Variants in ANKS1B observed in about 807,000 individuals in gnomAD.
The protein encoded by ANKS1B is ankyrin repeat and sterile alpha motif domain containing 1B, also known as ankyrin repeat and sterile alpha motif domain-containing protein 1B.
ANKS1B carries 36 observed loss-of-function variants against 148.3 expected under a neutral mutation model. The ratio of observed to expected loss-of-function variants is 0.24; its 90% CI spans 0.19 to 0.32. ANKS1B has a LOEUF of 0.32. Among genes scored for constraint, ANKS1B ranks in the 10% least tolerant of loss-of-function variants. ANKS1B has a pLI of 1.00. For missense variants in ANKS1B, 1,157 were observed against 1,542.6 expected (o/e 0.75, Z 4.19); for synonymous variants, 542 against 560.8 (o/e 0.97, Z 0.47).
At chr12:99,322,788 G>A (rs1325310051) in intron 12 of ANKS1B, among the ~76,000 whole-genome samples, 1 of 152,178 alleles carries the variant, frequency 6.6e-6, no homozygotes, top group East Asian at 1.9e-4. Flanking sequence ...TCCTACATGT[G>A]GGAGAGACCC....
intron 4 of ANKS1B, among the ~76,000 whole-genome samples, chr12:99,804,599 T>C (rs1296495881): frequency 6.6e-6 from 1 of 152,140 alleles, no homozygotes; most frequent in Admixed American, 6.6e-5. Flanking sequence ...CTCTGAACAA[T>C]TCCTAGGAAA....
chr12:99,803,975 T>C (rs574469331), intron 4 of ANKS1B, among the ~76,000 whole-genome samples: 6 of 152,336 alleles, frequency 3.9e-5, no homozygotes, highest in African/African-American at 1.4e-4. Flanking sequence ...ATAGTTTTGG[T>C]TTTTTATTCT....
chr12:99,685,483 G>A (rs1252602013), intron 8 of ANKS1B, among the ~76,000 whole-genome samples: 2 of 152,072 alleles, frequency 1.3e-5, no homozygotes, highest in South Asian at 2.1e-4. Flanking sequence ...CACTGCTGGT[G>A]GAAACTGCTA....
intron 17 of ANKS1B, among the ~76,000 whole-genome samples, chr12:98,942,329 G>A (rs558544652): frequency 6.6e-6 from 1 of 152,252 alleles, no homozygotes; most frequent in Non-Finnish European, 1.5e-5. Context: ...AATGGCCAAA[G>A]TATCATTCTG....
In ANKS1B at chr12:99,859,299, G is replaced by A. The variant is rs1026023951; in HGVS notation, c.135-33910C>T. ...TGCTAACAGTGAAGAACTCTTGCAA[G>A]TAAAATAAACATTAACAAGTTTACA... On this transcript the variant is annotated intron_variant, in intron 1 of 26. Coordinates refer to ENST00000683438, the MANE Select transcript of ANKS1B (RefSeq NM_001352186.2). Among the ~76,000 whole-genome samples the A allele has an allele frequency of 3.3e-5, 5 of 152,184 alleles. No individual in the cohort carries two copies. In the East Asian group the frequency reaches 9.6e-4, roughly 29 times the overall value.
In ANKS1B at chr12:99,155,000, G is replaced by A. The variant is rs1180161334; in HGVS notation, c.2420-605C>T. ...CAAGCGTCAATCTTGAATGATGAGA[G>A]CAGTCAAAACAAATGCAGAAAATAG... On this transcript the variant is annotated intron_variant, in intron 14 of 26. Transcript: ENST00000683438. The A allele has an allele frequency of 5.9e-6, 9 of 1,535,322 alleles. No individual in the cohort carries two copies. In the South Asian group the frequency reaches 9.5e-5, roughly 16 times the overall value.
At chr12:99,230,235 T>C (rs995945683) in intron 14 of ANKS1B, among the ~76,000 whole-genome samples, 2 of 152,114 alleles carry the variant, frequency 1.3e-5, no homozygotes, top group Admixed American at 1.3e-4. Flanking sequence ...CTAGGTGACA[T>C]ACTTTTGACC....
chr12:98,936,317 C>T (rs2099818598), intron 17 of ANKS1B, among the ~76,000 whole-genome samples: 1 of 152,194 alleles, frequency 6.6e-6, no homozygotes. Flanking sequence ...TCCATACTGC[C>T]ATACCACCTT....
chr12:99,655,253 TA>T, intron 8 of ANKS1B, 43 bp from the exon 9 acceptor site: 1 of 1,456,770 alleles, frequency 6.9e-7, no homozygotes, highest in Non-Finnish European at 9.3e-7. Context: ...ATATCAATGA[TA>T]TTTAGATATC....
At chr12:98,788,826 A>T (rs2098821416) in intron 22 of ANKS1B, among the ~76,000 whole-genome samples, 1 of 152,248 alleles carries the variant, frequency 6.6e-6, no homozygotes, top group South Asian at 2.1e-4. Context: ...TGCATCCTAC[A>T]TTAATTCAGA....
chr12:99,345,172 C>A (rs888760142), intron 12 of ANKS1B, among the ~76,000 whole-genome samples: 4 of 152,158 alleles, frequency 2.6e-5, no homozygotes, highest in African/African-American at 9.6e-5. Context: ...AGATACTGGG[C>A]AGTGACATTG....
chr12:99,890,120 C>T (rs924731472), intron 1 of ANKS1B, among the ~76,000 whole-genome samples: 1 of 152,124 alleles, frequency 6.6e-6, no homozygotes, highest in African/African-American at 2.4e-5. Context: ...GAAAATCAAA[C>T]TTGGAGAGAT....
chr12:99,397,466 TA>T (rs1485189289), intron 12 of ANKS1B, among the ~76,000 whole-genome samples: 2 of 152,016 alleles, frequency 1.3e-5, no homozygotes, highest in African/African-American at 4.8e-5. Flanking sequence ...AAGAAATAAG[TA>T]AAGAAGTAAC....
chr12:99,687,068 C>T lies in ANKS1B; in HGVS notation c.1129-31858G>A, dbSNP rs187035155. On this transcript the variant is annotated intron_variant, in intron 8 of 26. Transcript: ENST00000683438. Reference sequence around the variant, plus strand: ...TCTGTGTTTGTCTGAAAAGCTTTTACCCTACCTTCACTTATGAAATATAAT... The same window carrying T: ...TCTGTGTTTGTCTGAAAAGCTTTTATCCTACCTTCACTTATGAAATATAAT... 4.9e-3 allele frequency among the ~76,000 whole-genome samples: 742 copies of T among 152,214 alleles called. 8 individuals carry two copies. Among genetic ancestry groups the T allele is most frequent in the African/African-American group, 0.017 (699 of 41,556 alleles).
At chr12:99,152,160 T>C in intron 15 of ANKS1B, among the ~76,000 whole-genome samples, 1 of 152,152 alleles carries the variant, frequency 6.6e-6, no homozygotes. Flanking sequence ...ATAATTTTTA[T>C]AAAGGTAGAA....
intron 10 of ANKS1B, among the ~76,000 whole-genome samples, chr12:99,467,900 G>C (rs887373103): frequency 1.4e-4 from 21 of 152,260 alleles, no homozygotes; most frequent in Admixed American, 4.6e-4. Context: ...TCCCCATCAA[G>C]CTACCAATGA....
intron 17 of ANKS1B, among the ~76,000 whole-genome samples, chr12:98,860,707 C>T (rs1454249365): frequency 6.6e-6 from 1 of 152,056 alleles, no homozygotes; most frequent in Non-Finnish European, 1.5e-5. Flanking sequence ...GAACAACACA[C>T]ACTGGGGCCT....
chr12:99,583,766 T>C (rs1403883878), intron 9 of ANKS1B, among the ~76,000 whole-genome samples: 1 of 152,204 alleles, frequency 6.6e-6, no homozygotes, highest in Non-Finnish European at 1.5e-5. Flanking sequence ...TACAACACTA[T>C]ATTCCATATG....
intron 9 of ANKS1B, among the ~76,000 whole-genome samples, chr12:99,588,089 G>A (rs752601894): frequency 6.6e-5 from 10 of 151,970 alleles, no homozygotes; most frequent in Non-Finnish European, 1.3e-4. Context: ...TAATGAAACA[G>A]TGCAAAGTTA....
Sources: gnomAD v4.1 joint callset for allele counts (sites outside exome capture counted in the v4.1 genomes callset) on GRCh38, gnomAD v4.1.1 for gene constraint, MANE v1.5 for transcripts, NCBI Gene and HGNC (gene_info 2026-07-23, HGNC 2026-07-21) for gene names.